Variants in MICU1 observed in about 807,000 individuals in gnomAD.
The protein encoded by MICU1 is mitochondrial calcium uptake 1, also known as calcium uptake protein 1, mitochondrial.
MICU1 carries 45 observed loss-of-function variants against 56.8 expected under a neutral mutation model. The ratio of observed to expected loss-of-function variants is 0.79; its 90% CI spans 0.62 to 1.02. MICU1 has a LOEUF of 1.02. Among genes scored for constraint, MICU1 ranks in the 50% least tolerant of loss-of-function variants. The pLI is 0.00. For synonymous variants in MICU1, 186 were observed against 195.1 expected, an observed-to-expected ratio of 0.95 and a Z score of 0.39; for missense variants, 504 against 587.1, an observed-to-expected ratio of 0.86 and a Z score of 1.46.
chr10:72,611,487 G>C (rs1339618027), intron 1 of MICU1, among the ~76,000 whole-genome samples: 1 of 150,202 alleles, frequency 6.7e-6, no homozygotes, highest in East Asian at 2.0e-4. Flanking sequence ...TGGGTGTGGT[G>C]GTGCGTGCCT....
At chr10:72,572,066 T>C (rs1035770308) in intron 1 of MICU1, among the ~76,000 whole-genome samples, 2 of 149,144 alleles carry the variant, frequency 1.3e-5, no homozygotes, top group Non-Finnish European at 3.0e-5. Flanking sequence ...TGATCCAAGA[T>C]CTGGTCTCAA....
At chr10:72,417,967 G>A (rs561914637) in intron 9 of MICU1, among the ~76,000 whole-genome samples, 1 of 152,266 alleles carries the variant, frequency 6.6e-6, no homozygotes, top group Admixed American at 6.5e-5. Flanking sequence ...GGACACCTCA[G>A]GAAACTTACA....
rs139453293 is a variant in MICU1, at chr10:72,575,541, T to C, written c.-1-8747A>G. On this transcript the variant is annotated intron_variant, in intron 1 of 11. Coordinates refer to ENST00000361114, the MANE Select transcript of MICU1 (RefSeq NM_001195518.2). ...GCAACCCTGTTTCAAACAAGTCCAT[T>C]GGTGCCATTTTCCCAACAGCATACA... Among the ~76,000 whole-genome samples the C allele has an allele frequency of 2.1e-4, 32 of 152,354 alleles. 1 individual carries two copies. In the East Asian group the frequency reaches 5.2e-3, roughly 25 times the overall value.
chr10:72,543,238 G>A (rs1006095766), intron 4 of MICU1, among the ~76,000 whole-genome samples: 6 of 152,128 alleles, frequency 3.9e-5, no homozygotes, highest in African/African-American at 7.2e-5. Flanking sequence ...AGTAGAACAC[G>A]AGGACCTTTA....
chr10:72,603,840 C>T (rs941637983), intron 1 of MICU1, among the ~76,000 whole-genome samples: 3 of 152,110 alleles, frequency 2.0e-5, no homozygotes, highest in African/African-American at 7.2e-5. Flanking sequence ...AACAAAAAAA[C>T]ACCTGTAAGG....
chr10:72,551,693 G>C (rs559144949), intron 3 of MICU1, among the ~76,000 whole-genome samples: 1 of 152,130 alleles, frequency 6.6e-6, no homozygotes, highest in African/African-American at 2.4e-5. Context: ...CAGTAATAGG[G>C]TACAATGCCA....
At chr10:72,564,559 A>G (rs557554574) in intron 2 of MICU1, among the ~76,000 whole-genome samples, 10 of 150,370 alleles carry the variant, frequency 6.7e-5, no homozygotes, top group African/African-American at 1.2e-4. Flanking sequence ...AAAAAAAAAA[A>G]AAAAGAAAAG....
At chr10:72,472,573 A>T (rs981814480) in intron 8 of MICU1, among the ~76,000 whole-genome samples, 3 of 152,154 alleles carry the variant, frequency 2.0e-5, no homozygotes, top group African/African-American at 7.2e-5. Context: ...AAGGTATTGA[A>T]AAAAAAATCC....
At chr10:72,446,389 G>A (rs1295941541) in intron 8 of MICU1, among the ~76,000 whole-genome samples, 1 of 152,138 alleles carries the variant, frequency 6.6e-6, no homozygotes, top group Non-Finnish European at 1.5e-5. Context: ...GGAGCACAGT[G>A]GTGTGATCTC....
intron 1 of MICU1, among the ~76,000 whole-genome samples, chr10:72,607,295 C>A (rs899216737): frequency 2.0e-5 from 3 of 150,108 alleles, no homozygotes; most frequent in Non-Finnish European, 4.4e-5. Flanking sequence ...GAGCCGAGAT[C>A]GCACCATTAC....
chr10:72,521,945 T>C (rs1889797), intron 5 of MICU1, among the ~76,000 whole-genome samples: 89,457 of 151,816 alleles, frequency 0.59, 27,611 homozygotes, highest in Non-Finnish European at 0.67. Context: ...TTCAAGAGTG[T>C]AATGTTCTTT....
intron 8 of MICU1, among the ~76,000 whole-genome samples, chr10:72,432,807 C>T (rs1864584408): frequency 6.6e-6 from 1 of 152,194 alleles, no homozygotes; most frequent in Non-Finnish European, 1.5e-5. Flanking sequence ...TTGCGGGGGT[C>T]ACATTTCAAC....
intron 1 of MICU1, among the ~76,000 whole-genome samples, chr10:72,569,753 A>AT (rs1200678113): frequency 6.6e-6 from 1 of 151,922 alleles, no homozygotes; most frequent in Admixed American, 6.6e-5. Context: ...AATGTAAATG[A>AT]TTTTTTTCCC....
intron 5 of MICU1, among the ~76,000 whole-genome samples, chr10:72,523,114 T>A (rs12781793): frequency 0.59 from 89,518 of 151,854 alleles, 27,645 homozygotes; most frequent in Non-Finnish European, 0.67. Flanking sequence ...CTGCCTCTCT[T>A]ATCTATTCCT....
chr10:72,597,391 C>A lies in MICU1; in HGVS notation c.-2+28619G>T, dbSNP rs115646993. Among the ~76,000 whole-genome samples, 410 of 152,274 alleles carry A rather than the reference C, an allele frequency of 2.7e-3. 2 individuals are homozygous for A. Among genetic ancestry groups the A allele is most frequent in the African/African-American group, 9.0e-3 (372 of 41,558 alleles). ...AGAATGGCTACTGACATCTTGTAGC[C>A]TTTCTCAACAGGAGTTCCATGAGAG... On this transcript the variant is annotated intron_variant, in intron 1 of 11. Transcript: ENST00000361114.
At chr10:72,471,146 G>A (rs575535241) in intron 8 of MICU1, among the ~76,000 whole-genome samples, 6 of 152,118 alleles carry the variant, frequency 3.9e-5, no homozygotes, top group South Asian at 2.1e-4. Context: ...GTGCAGTGGC[G>A]CAATCTTGGC....
chr10:72,393,683 C>T (rs1349214285), intron 10 of MICU1, among the ~76,000 whole-genome samples: 4 of 152,200 alleles, frequency 2.6e-5, no homozygotes, highest in East Asian at 3.9e-4. Flanking sequence ...ATGCAGGGTA[C>T]GTTCTGGAGG....
chr10:72,580,201 T>C (rs1342052111), intron 1 of MICU1, among the ~76,000 whole-genome samples: 2 of 152,162 alleles, frequency 1.3e-5, no homozygotes, highest in African/African-American at 4.8e-5. Context: ...TCATCTTTTC[T>C]TCATTGTAAA....
At chr10:72,491,235 T>C (rs1466609967) in intron 6 of MICU1, among the ~76,000 whole-genome samples, 1 of 152,220 alleles carries the variant, frequency 6.6e-6, no homozygotes, top group Non-Finnish European at 1.5e-5. Flanking sequence ...TTTGTTATTC[T>C]CCTAAGTCTG....
Sources: gnomAD v4.1 joint callset for allele counts (sites outside exome capture counted in the v4.1 genomes callset) on GRCh38, gnomAD v4.1.1 for gene constraint, MANE v1.5 for transcripts, NCBI Gene and HGNC (gene_info 2026-07-23, HGNC 2026-07-21) for gene names.